Variants in LPAR1 observed in about 807,000 individuals in gnomAD.
LPAR1 encodes the protein LPA receptor 1.
Under a neutral mutation model 23.8 loss-of-function variants are expected in LPAR1, and 5 were observed. That is an observed-to-expected ratio of 0.21 (90% confidence interval 0.11 to 0.44). The LOEUF is 0.44. Among genes scored for constraint, LPAR1 ranks in the 20% least tolerant of loss-of-function variants. The pLI, the probability that LPAR1 is intolerant of heterozygous loss-of-function variation, is 0.99. For missense variants in LPAR1, 311 were observed against 482.8 expected, an observed-to-expected ratio of 0.64 and a Z score of 3.33; for synonymous variants, 160 against 164.7, an observed-to-expected ratio of 0.97 and a Z score of 0.22.
At chr9:110,922,552 T>G (rs938029144) in intron 5 of LPAR1, among the ~76,000 whole-genome samples, 1 of 152,148 alleles carries the variant, frequency 6.6e-6, no homozygotes, top group Non-Finnish European at 1.5e-5. Flanking sequence ...TATGGTTTTG[T>G]TTTACAAAAT....
intron 5 of LPAR1, among the ~76,000 whole-genome samples, chr9:110,922,046 C>A (rs757136523): frequency 6.6e-6 from 1 of 152,016 alleles, no homozygotes; most frequent in African/African-American, 2.4e-5. Flanking sequence ...ACCTGAGCAG[C>A]GGAGAAAGTA....
intron 5 of LPAR1, among the ~76,000 whole-genome samples, chr9:110,897,206 C>T (rs1176431562): frequency 1.3e-5 from 2 of 152,116 alleles, no homozygotes; most frequent in Non-Finnish European, 2.9e-5. Flanking sequence ...GCGGAAGGGA[C>T]CCCATGGGAG....
intron 4 of LPAR1, among the ~76,000 whole-genome samples, chr9:110,970,962 C>A (rs146687341): frequency 0.039 from 5,901 of 152,110 alleles, 171 homozygotes; most frequent in South Asian, 0.049. Context: ...ATGGTGAAAC[C>A]CCATCTCTAC....
chr9:110,978,268 A>G (rs2138753318), intron 2 of LPAR1, among the ~76,000 whole-genome samples: 1 of 152,316 alleles, frequency 6.6e-6, no homozygotes, highest in South Asian at 2.1e-4. Flanking sequence ...AAAGCAACCA[A>G]TGAAGCAGAA....
intron 2 of LPAR1, among the ~76,000 whole-genome samples, chr9:111,026,361 T>G (rs1459105406): frequency 6.6e-6 from 1 of 152,234 alleles, no homozygotes; most frequent in Non-Finnish European, 1.5e-5. Context: ...TGCTTGTGAT[T>G]TTTGCACATT....
chr9:110,878,531 G>C (rs1387753883), intron 5 of LPAR1, among the ~76,000 whole-genome samples: 2 of 152,170 alleles, frequency 1.3e-5, no homozygotes, highest in East Asian at 3.9e-4. Context: ...TACAGGACTT[G>C]AGATGTGCAT....
intron 2 of LPAR1, among the ~76,000 whole-genome samples, chr9:110,997,480 A>G (rs1203582427): frequency 6.6e-6 from 1 of 152,200 alleles, no homozygotes; most frequent in Non-Finnish European, 1.5e-5. Context: ...AATGGTATAA[A>G]ATATACAAAA....
At chr9:110,935,781 A>T (rs1261750566) in intron 5 of LPAR1, among the ~76,000 whole-genome samples, 1 of 152,212 alleles carries the variant, frequency 6.6e-6, no homozygotes, top group East Asian at 1.9e-4. Flanking sequence ...TGGATGATAC[A>T]TTATGTGAGG....
chr9:111,016,727 T>C (rs1052134705), intron 2 of LPAR1, among the ~76,000 whole-genome samples: 1 of 152,228 alleles, frequency 6.6e-6, no homozygotes, highest in African/African-American at 2.4e-5. Flanking sequence ...GTAATATTCA[T>C]AGGAAACATC....
chr9:111,034,812 T>C (rs1477934240), intron 2 of LPAR1, among the ~76,000 whole-genome samples: 1 of 152,160 alleles, frequency 6.6e-6, no homozygotes, highest in Non-Finnish European at 1.5e-5. Flanking sequence ...CATAACTCCT[T>C]AAAATAACAT....
chr9:110,960,057 G>C (rs1336376184), intron 4 of LPAR1, among the ~76,000 whole-genome samples: 1 of 152,210 alleles, frequency 6.6e-6, no homozygotes, highest in Non-Finnish European at 1.5e-5. Flanking sequence ...CATACAGTTA[G>C]ATAGAAGGAG....
rs997921605 is a variant in LPAR1, at chr9:110,973,508, A to C, written c.-131T>G. On this transcript the variant is annotated 5_prime_UTR_variant, in exon 3 of 6. Transcript: ENST00000683809. ...GATGCTGTAGGTGTCAGTCCTGAGA[A>C]GTCAGGTACTCAGATAGGTGGATGG... The C allele has an allele frequency of 6.6e-6, 1 of 152,336 alleles. No homozygotes were observed. Among genetic ancestry groups the C allele is most frequent in the African/African-American group, 2.4e-5 (1 of 41,570 alleles). The allele number at this position is 152,336 out of a possible 1,614,324, so 9.4% of individuals were successfully genotyped here. A position where few individuals can be genotyped will look rare whatever the true frequency, so the allele number is the denominator to read the frequency against.
intron 5 of LPAR1, among the ~76,000 whole-genome samples, chr9:110,906,501 T>C (rs1284665804): frequency 6.6e-6 from 1 of 152,228 alleles, no homozygotes; most frequent in Non-Finnish European, 1.5e-5. Context: ...TTTCATTTTT[T>C]AGTACCAACC....
intron 2 of LPAR1, among the ~76,000 whole-genome samples, chr9:111,017,222 C>T (rs893474593): frequency 2.0e-5 from 3 of 152,192 alleles, no homozygotes; most frequent in African/African-American, 7.2e-5. Flanking sequence ...CTTAAATTCA[C>T]ACTCACTTCC....
chr9:110,971,172 ATGAT>A (rs2096408678), intron 4 of LPAR1, among the ~76,000 whole-genome samples: 1 of 152,138 alleles, frequency 6.6e-6, no homozygotes, highest in Non-Finnish European at 1.5e-5. Flanking sequence ...TGGCCAAAAA[ATGAT>A]TGTCACAAAT....
At chr9:110,990,625 T>C (rs963627869) in intron 2 of LPAR1, among the ~76,000 whole-genome samples, 5 of 151,946 alleles carry the variant, frequency 3.3e-5, no homozygotes, top group African/African-American at 1.2e-4. Context: ...AACCATAGCA[T>C]TAAACACCTA....
rs1343597430 is a variant in LPAR1, at chr9:111,038,008, ACT to A, written c.-262+157_-262+158del. On this transcript the variant is annotated intron_variant, in intron 1 of 5. Coordinates refer to ENST00000683809, the MANE Select transcript of LPAR1 (RefSeq NM_001351411.2). The surrounding 1 kb of genome is among the most constrained non-coding windows in gnomAD (Gnocchi z 4.4). ...GCCGCGGCCCACAGCGCGCACCCACACTCTCACTGGCACTCGCACGCGCGCCC... is the reference window on the plus strand; with the variant it reads ...GCCGCGGCCCACAGCGCGCACCCACACTCACTGGCACTCGCACGCGCGCCC... 1 of 151,670 alleles carries A rather than the reference ACT, an allele frequency of 6.6e-6. No individual in the cohort carries two copies. The highest frequency in any genetic ancestry group is 1.5e-5 in the Non-Finnish European group (1 of 68,026). 9.4% of individuals were successfully genotyped at this position (151,670 alleles called of 1,614,324 possible).
chr9:110,944,183 A>T (rs1449823948), intron 4 of LPAR1, among the ~76,000 whole-genome samples: 1 of 152,156 alleles, frequency 6.6e-6, no homozygotes, highest in Non-Finnish European at 1.5e-5. Flanking sequence ...GATTCAGTAG[A>T]TCTGAGGTAG....
chr9:110,917,032 T>C (rs189379968), intron 5 of LPAR1, among the ~76,000 whole-genome samples: 22 of 151,828 alleles, frequency 1.4e-4, no homozygotes, highest in African/African-American at 4.8e-4. Flanking sequence ...AGCTAAGGTA[T>C]GAAAAAAACT....
Sources: allele counts gnomAD v4.1 joint callset (sites outside exome capture counted in the v4.1 genomes callset), GRCh38; gene constraint gnomAD v4.1.1; non-coding constraint Gnocchi (gnomAD v3.1); transcripts MANE v1.5; gene names NCBI Gene and HGNC (gene_info 2026-07-23, HGNC 2026-07-21).